QRICH2: variants seen among roughly 807,000 people sequenced by gnomAD.
The protein encoded by QRICH2 is glutamine-rich protein 2.
Under a neutral mutation model 168.3 loss-of-function variants are expected in QRICH2, and 119 were observed. The observed-to-expected ratio is 0.71, with a 90% CI of 0.61 to 0.82. The LOEUF (loss-of-function observed/expected upper bound fraction) is 0.82, where lower values mean the gene tolerates loss of function less well. Ranked by LOEUF, QRICH2 falls within the 40% of genes least tolerant of loss-of-function variation. The pLI is 0.00. For missense variants in QRICH2, 2,241 were observed against 2,491.6 expected (o/e 0.90, Z 2.14); for synonymous variants, 894 against 951.2 (o/e 0.94, Z 1.11).
In QRICH2 at chr17:76,281,891, G is replaced by A. The variant is rs138665650; in HGVS notation, c.4236C>T (p.Pro1412=). The change falls in exon 8 of 19, where the codon CCC becomes CCT. Residue 1412 remains proline, a synonymous_variant. Coordinates refer to ENST00000680821, the MANE Select transcript of QRICH2 (RefSeq NM_001388453.1). The surrounding 1 kb of genome is among the most constrained non-coding windows in gnomAD (Gnocchi z 4.4). ...GTCTCTGGAGCTTGGCCTTCTTGGAGGGTCGGGAGACGGCCAGGCTGTTGA... is the reference window on the plus strand; with the variant it reads ...GTCTCTGGAGCTTGGCCTTCTTGGAAGGTCGGGAGACGGCCAGGCTGTTGA... ...DMVNSLAVSR[P]SKKAKLQRQD... 1.4e-5 allele frequency: 23 copies of A among 1,613,510 alleles called. No homozygotes were observed. The highest frequency in any genetic ancestry group is 1.8e-5 in the Non-Finnish European group (21 of 1,179,938).
chr17:76,287,323 G>A lies in QRICH2; in HGVS notation c.3897-17C>T. The A allele has an allele frequency of 6.3e-7, 1 of 1,577,532 alleles. No individual in the cohort carries two copies. The highest frequency in any genetic ancestry group is 8.7e-7 in the Non-Finnish European group (1 of 1,147,686). ...ACGGTGACTCTGTGGTGCACGATGA[G>A]AGACTGCCAGACTCCACACTCAGGC... On this transcript the variant is annotated splice_polypyrimidine_tract_variant and intron_variant, in intron 6 of 18. Transcript: ENST00000680821.
At chr17:76,298,509 C>CG (rs2070841484) in intron 3 of QRICH2, among the ~76,000 whole-genome samples, 1 of 152,006 alleles carries the variant, frequency 6.6e-6, no homozygotes, top group African/African-American at 2.4e-5. Flanking sequence ...TTTGTAGAGA[C>CG]GGGGTCTTAA....
chr17:76,301,465 G>A (rs1247792876), intron 3 of QRICH2: 1 of 238,332 alleles, frequency 4.2e-6, no homozygotes, highest in South Asian at 3.7e-5. Context: ...CTACCGGGGA[G>A]GCTGAGGCAG....
At chr17:76,303,000 C>T (rs1236253990) in intron 3 of QRICH2, among the ~76,000 whole-genome samples, 1 of 152,042 alleles carries the variant, frequency 6.6e-6, no homozygotes, top group East Asian at 1.9e-4. Flanking sequence ...TCTTCTGCCT[C>T]AGTCTCCTGA....
intron 12 of QRICH2, among the ~76,000 whole-genome samples, 158 bp downstream of exon 12, chr17:76,279,875 G>A (rs770638462): frequency 2.0e-5 from 3 of 152,186 alleles, no homozygotes; most frequent in African/African-American, 7.2e-5. Flanking sequence ...CTAGAAGAGC[G>A]TTTCAAGCTC....
In QRICH2 at chr17:76,308,207, C is replaced by T. The variant is rs1046674421; in HGVS notation, c.-209G>A. 2.8e-5 allele frequency: 28 copies of T among 985,342 alleles called. No individual in the cohort carries two copies. The highest frequency in any genetic ancestry group is 3.4e-5 in the Non-Finnish European group (28 of 829,924). 61.0% of individuals were successfully genotyped at this position (985,342 alleles called of 1,614,324 possible). A position where few individuals can be genotyped will look rare whatever the true frequency, so the allele number is the denominator to read the frequency against. On this transcript the variant is annotated 5_prime_UTR_variant, in exon 1 of 19. Coordinates refer to ENST00000680821, the MANE Select transcript of QRICH2 (RefSeq NM_001388453.1). The stretch of plus-strand genomic sequence containing the variant: ...GGGGTCCGCGATGGCCACCCCTCCG[C>T]TGTCTGTCGCTGGCCTCGGGTCCCC...
upstream of QRICH2, chr17:76,308,500 G>GACA: frequency 1.0e-6 from 1 of 985,280 alleles, no homozygotes; most frequent in South Asian, 4.7e-5. Context: ...GGAAAGACTT[G>GACA]AGGGTTTCCT....
intron 12 of QRICH2, 95 bp downstream of exon 12, chr17:76,279,938 G>T: frequency 1.4e-6 from 2 of 1,416,012 alleles, no homozygotes; most frequent in Non-Finnish European, 1.9e-6. Flanking sequence ...TCCGCTGTGT[G>T]CTGGCAGGAG....
chr17:76,293,405 C>A lies in QRICH2; in HGVS notation c.1322G>T (p.Arg441Leu). ...ELIPFVVDEQ[R>L]MLPPSVPGRD... Reference sequence around the variant, plus strand: ...GCCAGGTACTGATGGTGGCAACATACGTTGCTCATCCACGACAAATGGTAT... The same window carrying A: ...GCCAGGTACTGATGGTGGCAACATAAGTTGCTCATCCACGACAAATGGTAT... Residue 441 changes from arginine (R) to leucine (L), a missense_variant, in exon 4 of 19, where the codon CGT (arginine) becomes CTT (leucine). Around this residue, in one of 3 missense-constraint regions of QRICH2, gnomAD observed 2,047 missense variants for 2,303.8 expected, o/e 0.89. Transcript: ENST00000680821. The A allele has an allele frequency of 6.2e-7, 1 of 1,614,196 alleles. No individual in the cohort carries two copies. The highest frequency in any genetic ancestry group is 8.5e-7 in the Non-Finnish European group (1 of 1,180,024).
chr17:76,287,742 C>T, intron 6 of QRICH2, 58 bp downstream of exon 6: 6 of 1,345,646 alleles, frequency 4.5e-6, no homozygotes, highest in Non-Finnish European at 5.3e-6. Flanking sequence ...GCCATCACCT[C>T]CTTGGCTGAG....
At chr17:76,304,795 T>A in intron 2 of QRICH2, 87 bp downstream of exon 2, 1 of 999,736 alleles carries the variant, frequency 1.0e-6, no homozygotes, top group Non-Finnish European at 1.6e-6. Flanking sequence ...CTGCCTGCCC[T>A]GGATGGACAA....
chr17:76,279,019 C>A, intron 14 of QRICH2, 22 bp downstream of exon 14: 1 of 1,588,006 alleles, frequency 6.3e-7, no homozygotes, highest in South Asian at 1.1e-5. Context: ...CCATATGTCC[C>A]ATATGCTGTC....
intron 2 of QRICH2, 51 bp from the exon 3 acceptor site, chr17:76,304,576 C>G: frequency 7.5e-7 from 1 of 1,331,532 alleles, no homozygotes; most frequent in Non-Finnish European, 1.1e-6. Context: ...TAATCCCAAG[C>G]AGCTTTAGGA....
chr17:76,279,414 T>C lies in QRICH2; in HGVS notation c.4763A>G (p.His1588Arg). Residue 1588 changes from histidine to arginine, a missense_variant, in exon 13 of 19, where the codon CAT becomes CGT. By Grantham distance (29) the His-to-Arg change is conservative. This residue lies in a region of QRICH2 where 2,047 missense variants were observed against 2,303.8 expected (regional missense o/e 0.89). Coordinates refer to ENST00000680821, the MANE Select transcript of QRICH2 (RefSeq NM_001388453.1). ...CCGGTCACATGAGAGGCAGTGGAAA[T>C]GTGCCAGGAGCTGCCTGTTAGGAAT... ...AAAMRRQLLA[H>R]FHCLSCDRPL... 1.2e-6 allele frequency: 2 copies of C among 1,612,184 alleles called. No individual in the cohort carries two copies. Among genetic ancestry groups the C allele is most frequent in the South Asian group, 1.1e-5 (1 of 90,644 alleles).
rs1242659894 is a variant in QRICH2 at position 76,277,261 on chromosome 17, C to A, written c.5167G>T (p.Gly1723Trp). 1 of 1,601,086 alleles carries A rather than the reference C, an allele frequency of 6.2e-7. No individual in the cohort carries two copies. Residue 1723 changes from glycine (G) to tryptophan (W), a missense_variant, in exon 16 of 19, where the codon GGG becomes TGG. Gly to Trp is a radical substitution (Grantham distance 184). Transcript: ENST00000680821. The stretch of plus-strand genomic sequence containing the variant: ...GGGTAGGTGAGGGTGTGGCTGCCCC[C>A]GCAGCGCCGGGGCACAGTTGAGTAG... ...YTYSTVPRRCGGSHTLTYPYH... is the reference protein window; with the variant it reads ...YTYSTVPRRCWGSHTLTYPYH...
intron 3 of QRICH2, among the ~76,000 whole-genome samples, chr17:76,295,961 A>G (rs1164956956): frequency 1.3e-5 from 2 of 152,212 alleles, no homozygotes; most frequent in African/African-American, 4.8e-5. Context: ...GCAGTGGCTC[A>G]CGCCTGTAAT....
At chr17:76,284,662 C>CA (rs1480081499) in intron 7 of QRICH2, among the ~76,000 whole-genome samples, 2 of 151,264 alleles carry the variant, frequency 1.3e-5, no homozygotes, top group Admixed American at 1.3e-4. Context: ...ACTGAAAATA[C>CA]AAAAAATTAG....
chr17:76,304,362 G>A (rs962762850), intron 3 of QRICH2, 53 bp downstream of exon 3: 6 of 1,158,218 alleles, frequency 5.2e-6, no homozygotes, highest in Non-Finnish European at 7.7e-6. Flanking sequence ...TACAAAGCGA[G>A]AAGTTCTGGG....
Position 76,291,386 on chromosome 17 carries a change from C to A in QRICH2, c.3341G>T (p.Arg1114Leu). The A allele has an allele frequency of 6.2e-7, 1 of 1,614,032 alleles. No individual in the cohort carries two copies. The highest frequency in any genetic ancestry group is 8.5e-7 in the Non-Finnish European group (1 of 1,180,022). The change falls in exon 4 of 19, where the codon CGT (arginine) becomes CTT (leucine). Residue 1114 changes from arginine to leucine, a missense_variant. This residue lies in a region of QRICH2 where 2,047 missense variants were observed against 2,303.8 expected (regional missense o/e 0.89). Transcript: ENST00000680821. ...DSHDSMYPGY[R>L]GPGYLSADQH... is the part of the protein sequence containing the mutation. The stretch of plus-strand genomic sequence containing the variant: ...ATCAGCACTTAGATACCCTGGGCCA[C>A]GATAACCAGGATACATTGAATCATG...
Sources: allele counts gnomAD v4.1 joint callset (sites outside exome capture counted in the v4.1 genomes callset), GRCh38; gene constraint gnomAD v4.1.1; regional missense constraint gnomAD v4.1.1; non-coding constraint Gnocchi (gnomAD v3.1); transcripts MANE v1.5; gene names NCBI Gene and HGNC (gene_info 2026-07-23, HGNC 2026-07-21).